NT5C2: variants seen among roughly 807,000 people sequenced by gnomAD.
NT5C2 encodes 5'-nucleotidase, cytosolic II.
NT5C2 carries 58 observed loss-of-function variants against 76.1 expected under a neutral mutation model. The observed-to-expected ratio is 0.76, with a 90% CI of 0.62 to 0.95. The LOEUF (loss-of-function observed/expected upper bound fraction) is 0.95, where lower values mean the gene tolerates loss of function less well. NT5C2 is among the 40% of genes least tolerant of loss of function. The pLI is 0.00. For synonymous variants in NT5C2, 229 were observed against 237.4 expected (o/e 0.96, Z 0.32); for missense variants, 478 against 690.3 (o/e 0.69, Z 3.45).
At chr10:103,121,842 T>C (rs777600363) in intron 4 of NT5C2, among the ~76,000 whole-genome samples, 8 of 152,106 alleles carry the variant, frequency 5.3e-5, no homozygotes, top group Non-Finnish European at 2.9e-5. Flanking sequence ...CCAATCCCCC[T>C]AAGATTTTTT....
intron 3 of NT5C2, among the ~76,000 whole-genome samples, chr10:103,164,367 CCTG>C (rs909188997): frequency 7.2e-5 from 11 of 152,088 alleles, no homozygotes; most frequent in African/African-American, 1.2e-4. Flanking sequence ...AAGTGATTCT[CCTG>C]CCTCAGCCTC....
At chr10:103,159,039 T>C (rs1270347231) in intron 3 of NT5C2, among the ~76,000 whole-genome samples, 2 of 152,074 alleles carry the variant, frequency 1.3e-5, no homozygotes, top group African/African-American at 4.8e-5. Flanking sequence ...TAAAGAGATC[T>C]ATCAGTAGTA....
intron 4 of NT5C2, among the ~76,000 whole-genome samples, chr10:103,128,331 G>A (rs2077122864): frequency 6.7e-6 from 1 of 148,414 alleles, no homozygotes; most frequent in Admixed American, 6.7e-5. Flanking sequence ...GCCTCCCGAG[G>A]TGCCGGGATT....
rs1050510313 is a variant in NT5C2, at chr10:103,183,160, T to C, written c.-168-1832A>G. On this transcript the variant is annotated intron_variant, in intron 1 of 18. Transcript: ENST00000404739. ...ACAGTGTCACCTATAACTCAAAGAA[T>C]AGCACTGTGAAATAAGCTATAGCTT... is the stretch of plus-strand genomic sequence containing the variant. 6.1e-4 allele frequency among the ~76,000 whole-genome samples: 92 copies of C among 151,350 alleles called. 2 individuals carry two copies. Among genetic ancestry groups the C allele is most frequent in the Admixed American group, 6.1e-3 (92 of 15,178 alleles).
intron 4 of NT5C2, chr10:103,125,386 G>A (rs1477240991): frequency 1.0e-5 from 3 of 298,494 alleles, no homozygotes; most frequent in Non-Finnish European, 1.3e-5. Flanking sequence ...ATGCTCTTGA[G>A]GGCATCAGCC....
intron 6 of NT5C2, 119 bp from the exon 7 acceptor site, chr10:103,101,445 A>G: frequency 1.7e-6 from 1 of 590,874 alleles, no homozygotes; most frequent in East Asian, 2.8e-5. Context: ...CAGAATTCCG[A>G]ATATTACGCA....
intron 3 of NT5C2, among the ~76,000 whole-genome samples, chr10:103,165,074 T>C (rs763869028): frequency 6.6e-6 from 1 of 152,310 alleles, no homozygotes; most frequent in Admixed American, 6.5e-5. Context: ...TAAGAAAAGG[T>C]GTCACTGTGA....
chr10:103,118,932 C>A (rs796556278), intron 4 of NT5C2, among the ~76,000 whole-genome samples: 21 of 151,846 alleles, frequency 1.4e-4, no homozygotes, highest in African/African-American at 4.6e-4. Context: ...GGCAAGAGTC[C>A]AAAAACTCTT....
chr10:103,089,093 A>G lies in NT5C2; in HGVS notation c.*579T>C, dbSNP rs2066073575. 4.4e-6 allele frequency: 1 copy of G among 226,220 alleles called. No individual in the cohort carries two copies. Among genetic ancestry groups the G allele is most frequent in the African/African-American group, 2.2e-5 (1 of 45,014 alleles). The allele number at this position is 226,220 out of a possible 1,614,324, so 14.0% of individuals were successfully genotyped here. ...TCCTGCCCTAAAGCAACGCAAGTAGAGCATACTTCTGTGCAAAGCCAGTGA... is the reference window on the plus strand; with the variant it reads ...TCCTGCCCTAAAGCAACGCAAGTAGGGCATACTTCTGTGCAAAGCCAGTGA... On this transcript the variant is annotated 3_prime_UTR_variant, in exon 19 of 19. Transcript: ENST00000404739.
intron 1 of NT5C2, among the ~76,000 whole-genome samples, chr10:103,189,590 G>A (rs1353969222): frequency 6.7e-6 from 1 of 148,788 alleles, no homozygotes; most frequent in South Asian, 2.1e-4. Flanking sequence ...TGGCGACAGA[G>A]CGAGACTCCA....
At chr10:103,177,742 TAA>T (rs1158588024) in intron 2 of NT5C2, among the ~76,000 whole-genome samples, 1 of 152,370 alleles carries the variant, frequency 6.6e-6, no homozygotes, top group East Asian at 1.9e-4. Flanking sequence ...TTGTCCAGGC[TAA>T]GTCTTTTTTA....
chr10:103,111,614 A>C, intron 4 of NT5C2: 3 of 558,780 alleles, frequency 5.4e-6, no homozygotes, highest in Non-Finnish European at 8.0e-6. Flanking sequence ...AGAAGTTTGG[A>C]ATTCTCATGC....
chr10:103,188,836 T>C (rs1444475632), intron 1 of NT5C2, among the ~76,000 whole-genome samples: 2 of 152,092 alleles, frequency 1.3e-5, no homozygotes, highest in Non-Finnish European at 2.9e-5. Context: ...ACCCCATCTC[T>C]ACCGAAAACA....
intron 18 of NT5C2, chr10:103,090,282 A>G (rs1247868134): frequency 2.9e-6 from 1 of 345,028 alleles, no homozygotes; most frequent in Non-Finnish European, 5.3e-6. Flanking sequence ...CAGTGGAGCA[A>G]TCACAGCCCA....
At chr10:103,183,696 G>T (rs1294236020) in intron 1 of NT5C2, among the ~76,000 whole-genome samples, 2 of 150,970 alleles carry the variant, frequency 1.3e-5, no homozygotes, top group African/African-American at 2.4e-5. Flanking sequence ...TGGGAGGAGG[G>T]TGAGGGATGA....
At chr10:103,150,643 A>G (rs1258437472) in intron 3 of NT5C2, among the ~76,000 whole-genome samples, 2 of 152,286 alleles carry the variant, frequency 1.3e-5, no homozygotes, top group South Asian at 2.1e-4. Context: ...GAGAGTTACC[A>G]TTGCTCCACA....
intron 9 of NT5C2, among the ~76,000 whole-genome samples, chr10:103,099,705 A>G (rs1369618089): frequency 1.3e-5 from 2 of 152,236 alleles, no homozygotes; most frequent in Non-Finnish European, 2.9e-5. Context: ...GCAAACTAAA[A>G]TAAAATCCAG....
chr10:103,128,123 G>A (rs1420472038), intron 4 of NT5C2, among the ~76,000 whole-genome samples: 10 of 148,116 alleles, frequency 6.8e-5, no homozygotes, highest in African/African-American at 2.2e-4. Flanking sequence ...CCTCTCATGC[G>A]GAGCCGAAGC....
intron 4 of NT5C2, among the ~76,000 whole-genome samples, chr10:103,118,783 AACC>A (rs2074996473): frequency 6.6e-6 from 1 of 152,042 alleles, no homozygotes; most frequent in Non-Finnish European, 1.5e-5. Context: ...TAATTTTATT[AACC>A]ACAATTATCT....
Sources: allele counts gnomAD v4.1 joint callset (sites outside exome capture counted in the v4.1 genomes callset), GRCh38; gene constraint gnomAD v4.1.1; transcripts MANE v1.5; gene names NCBI Gene and HGNC (gene_info 2026-07-23, HGNC 2026-07-21).